Variants in EXOC6B observed in about 807,000 individuals in gnomAD.
The protein encoded by EXOC6B is SEC15 homolog B.
A neutral mutation model predicts 113.5 loss-of-function variants in EXOC6B; 54 were observed. The ratio of observed to expected loss-of-function variants is 0.48; its 90% CI spans 0.38 to 0.60. The LOEUF is 0.60. EXOC6B is among the 20% of genes least tolerant of loss of function. The probability of loss-of-function intolerance (pLI) is 0.00; values close to 1 mark genes in which losing one functional copy is unlikely to be tolerated. For synonymous variants in EXOC6B, 357 were observed against 339.0 expected, an observed-to-expected ratio of 1.05 and a Z score of -0.58; for missense variants, 797 against 977.5, an observed-to-expected ratio of 0.82 and a Z score of 2.46.
At chr2:72,817,129 A>G (rs1364222783) in intron 1 of EXOC6B, among the ~76,000 whole-genome samples, 6 of 152,178 alleles carry the variant, frequency 3.9e-5, no homozygotes, top group African/African-American at 1.2e-4. Context: ...TACAATTTCA[A>G]CTTTTTGCTA....
chr2:72,760,431 C>G (rs1308614030), intron 1 of EXOC6B: 1 of 152,284 alleles, frequency 6.6e-6, no homozygotes, highest in Admixed American at 6.5e-5. Flanking sequence ...AATAATTTTA[C>G]TTTCTACTTA....
chr2:72,393,780 T>C (rs1692543267), intron 18 of EXOC6B, among the ~76,000 whole-genome samples: 1 of 152,164 alleles, frequency 6.6e-6, no homozygotes, highest in Non-Finnish European at 1.5e-5. Context: ...TGAACCCAAA[T>C]TTACAGTAAA....
At chr2:72,800,478 T>TA (rs1026020000) in intron 1 of EXOC6B, among the ~76,000 whole-genome samples, 11 of 152,310 alleles carry the variant, frequency 7.2e-5, no homozygotes, top group African/African-American at 2.4e-4. Context: ...TTTTTTAACT[T>TA]AAAAAATGTT....
chr2:72,739,285 C>T (rs1681156577), intron 2 of EXOC6B, among the ~76,000 whole-genome samples: 1 of 152,062 alleles, frequency 6.6e-6, no homozygotes, highest in Non-Finnish European at 1.5e-5. Flanking sequence ...GTATTGACAC[C>T]TTATTGTTTA....
chr2:72,689,220 A>G (rs953149143), intron 6 of EXOC6B, among the ~76,000 whole-genome samples: 8 of 152,154 alleles, frequency 5.3e-5, no homozygotes, highest in Non-Finnish European at 1.0e-4. Context: ...GTAATATGAA[A>G]TTTCCGAAAG....
intron 19 of EXOC6B, among the ~76,000 whole-genome samples, chr2:72,371,309 A>T (rs1314871990): frequency 6.6e-6 from 1 of 152,218 alleles, no homozygotes; most frequent in Non-Finnish European, 1.5e-5. Context: ...GTTCTGAAAA[A>T]TTGAGGAAGG....
chr2:72,396,183 T>C (rs1363321190), intron 18 of EXOC6B, among the ~76,000 whole-genome samples: 1 of 152,146 alleles, frequency 6.6e-6, no homozygotes, highest in Non-Finnish European at 1.5e-5. Context: ...TTATATCTTT[T>C]TGAAAAATGC....
At chr2:72,565,687 T>C (rs922615753) in intron 7 of EXOC6B, among the ~76,000 whole-genome samples, 4 of 152,142 alleles carry the variant, frequency 2.6e-5, no homozygotes, top group Admixed American at 6.5e-5. Context: ...TGAACCTTAT[T>C]AAGATACTCA....
chr2:72,204,304 C>T (rs763316357), intron 20 of EXOC6B, among the ~76,000 whole-genome samples: 58 of 152,074 alleles, frequency 3.8e-4, no homozygotes, highest in Non-Finnish European at 7.3e-4. Context: ...CTGAGCTCCC[C>T]GCCCTCTGGC....
chr2:72,346,812 T>C (rs1022260772), intron 19 of EXOC6B, among the ~76,000 whole-genome samples: 8 of 152,142 alleles, frequency 5.3e-5, no homozygotes, highest in South Asian at 2.1e-4. Flanking sequence ...CTATATGGCA[T>C]TGGATTTTCC....
chr2:72,316,188 T>C (rs1030945628), intron 20 of EXOC6B, among the ~76,000 whole-genome samples: 1 of 152,172 alleles, frequency 6.6e-6, no homozygotes, highest in Non-Finnish European at 1.5e-5. Flanking sequence ...AAAAAGGCAA[T>C]ACCTGACACT....
chr2:72,432,805 A>G (rs916504346), intron 18 of EXOC6B, among the ~76,000 whole-genome samples: 1 of 152,042 alleles, frequency 6.6e-6, no homozygotes, highest in Non-Finnish European at 1.5e-5. Flanking sequence ...GATTCTGGAT[A>G]TTAGCCCTTT....
intron 19 of EXOC6B, among the ~76,000 whole-genome samples, chr2:72,338,473 T>C (rs1688824800): frequency 6.6e-6 from 1 of 152,076 alleles, no homozygotes; most frequent in Non-Finnish European, 1.5e-5. Flanking sequence ...TGCAAACTTA[T>C]TTATAGGCAC....
chr2:72,532,681 G>A lies in EXOC6B; in HGVS notation c.916-17555C>T, dbSNP rs142769499. ...AAAGTAGCCAGGTGTGGTGGCGCGC[G>A]CCTGTAATCACAGCTACTCTGGAGG... is the stretch of plus-strand genomic sequence containing the variant. On this transcript the variant is annotated intron_variant, in intron 8 of 21. Coordinates refer to ENST00000272427, the MANE Select transcript of EXOC6B (RefSeq NM_015189.3). Among the ~76,000 whole-genome samples, 580 of 152,114 alleles carry A rather than the reference G, an allele frequency of 3.8e-3. 11 individuals carry two copies. The highest frequency in any genetic ancestry group is 0.013 in the African/African-American group (559 of 41,480).
intron 6 of EXOC6B, among the ~76,000 whole-genome samples, chr2:72,662,748 T>G (rs1186594854): frequency 7.0e-6 from 1 of 143,324 alleles, no homozygotes. Context: ...CCGTTTAGCC[T>G]TTTTTTTTTT....
intron 18 of EXOC6B, among the ~76,000 whole-genome samples, chr2:72,423,432 A>G (rs1336749386): frequency 1.3e-5 from 2 of 152,216 alleles, no homozygotes; most frequent in Non-Finnish European, 2.9e-5. Context: ...AAGATTTTAT[A>G]TATGGGTTTT....
chr2:72,252,341 C>CTA (rs1683075665), intron 20 of EXOC6B, among the ~76,000 whole-genome samples: 1 of 152,116 alleles, frequency 6.6e-6, no homozygotes, highest in African/African-American at 2.4e-5. Context: ...TCCCTACTGT[C>CTA]TACTATTATC....
chr2:72,749,127 T>C (rs900735318), intron 1 of EXOC6B, among the ~76,000 whole-genome samples: 4 of 152,034 alleles, frequency 2.6e-5, no homozygotes, highest in East Asian at 1.9e-4. Flanking sequence ...ATCTGGCAGA[T>C]AAAAGTTAGA....
chr2:72,466,064 C>T (rs1366819727), intron 17 of EXOC6B, among the ~76,000 whole-genome samples: 1 of 151,730 alleles, frequency 6.6e-6, no homozygotes, highest in Non-Finnish European at 1.5e-5. Flanking sequence ...GAAATAAGTG[C>T]CCAGGTGCAG....
Sources: gnomAD v4.1 joint callset for allele counts (sites outside exome capture counted in the v4.1 genomes callset) on GRCh38, gnomAD v4.1.1 for gene constraint, MANE v1.5 for transcripts, NCBI Gene and HGNC (gene_info 2026-07-23, HGNC 2026-07-21) for gene names.